Variants in LEKR1 observed in about 807,000 individuals in gnomAD.
The protein encoded by LEKR1 is leucine, glutamate and lysine rich 1.
In LEKR1, 59 loss-of-function variants were observed where a neutral mutation model predicts 72.4. That is an observed-to-expected ratio of 0.82 (90% CI 0.66 to 1.01). The LOEUF (loss-of-function observed/expected upper bound fraction) is 1.01, where lower values mean the gene tolerates loss of function less well. Ranked by LOEUF, LEKR1 falls within the 50% of genes least tolerant of loss-of-function variation. The pLI is 0.00. For synonymous variants in LEKR1, 257 were observed against 263.2 expected, an observed-to-expected ratio of 0.98 and a Z score of 0.23; for missense variants, 728 against 759.2, an observed-to-expected ratio of 0.96 and a Z score of 0.48.
At chr3:156,842,866 T>C (rs1018308567) in intron 2 of LEKR1, among the ~76,000 whole-genome samples, 1 of 152,216 alleles carries the variant, frequency 6.6e-6, no homozygotes, top group Non-Finnish European at 1.5e-5. Flanking sequence ...TGACTGAGCA[T>C]AGTATACTTG....
chr3:157,018,715 G>A (rs896531089), intron 10 of LEKR1, among the ~76,000 whole-genome samples: 1 of 152,120 alleles, frequency 6.6e-6, no homozygotes, highest in African/African-American at 2.4e-5. Flanking sequence ...CTATGATCTT[G>A]GTGAAGTTAC....
At chr3:157,015,599 C>T (rs1242164201) in intron 10 of LEKR1, among the ~76,000 whole-genome samples, 5 of 152,088 alleles carry the variant, frequency 3.3e-5, no homozygotes, top group African/African-American at 1.2e-4. Flanking sequence ...TAGGACAGAG[C>T]TCAAGAATAT....
At chr3:156,912,658 T>G (rs1029314908) in intron 3 of LEKR1, among the ~76,000 whole-genome samples, 1 of 152,200 alleles carries the variant, frequency 6.6e-6, no homozygotes, top group Non-Finnish European at 1.5e-5. Context: ...TATTGTGAAT[T>G]TCAGTTGGTA....
At chr3:156,909,476 C>A (rs62275765) in intron 3 of LEKR1, among the ~76,000 whole-genome samples, 1 of 151,500 alleles carries the variant, frequency 6.6e-6, no homozygotes, top group African/African-American at 2.4e-5. Flanking sequence ...ACGGTGAAAC[C>A]CCATCTCTAC....
chr3:156,981,837 A>G (rs1475168560), intron 7 of LEKR1, among the ~76,000 whole-genome samples: 4 of 152,230 alleles, frequency 2.6e-5, no homozygotes, highest in Non-Finnish European at 2.9e-5. Context: ...TTGTTAGTAA[A>G]CTCAAGATTT....
chr3:156,987,210 T>C (rs1730767152), intron 7 of LEKR1, among the ~76,000 whole-genome samples: 1 of 152,182 alleles, frequency 6.6e-6, no homozygotes, highest in Non-Finnish European at 1.5e-5. Flanking sequence ...TAGACATTCT[T>C]TCTATTCCAT....
Position 157,045,480 on chromosome 3 carries a change from C to T in LEKR1, c.1809C>T (p.Ser603=). The T allele has an allele frequency of 6.2e-7, 1 of 1,614,142 alleles. No individual in the cohort carries two copies. The highest frequency in any genetic ancestry group is 2.2e-5 in the East Asian group (1 of 44,878). The change falls in exon 13 of 13, where the codon AGC becomes AGT. Residue 603 remains serine, a synonymous_variant. Coordinates refer to ENST00000356539, the MANE Select transcript of LEKR1 (RefSeq NM_001004316.3). ...TACCATTCTCACCGTGTTCCCTCAG[C>T]AAGGGCAGCCTAACCTCCCCTGCTG... ...GSLPFSPCSL[S]KGSLTSPAAA...
At chr3:156,869,171 T>A (rs1191581111) in intron 3 of LEKR1, among the ~76,000 whole-genome samples, 3 of 152,136 alleles carry the variant, frequency 2.0e-5, no homozygotes, top group African/African-American at 7.2e-5. Context: ...CAAGTACAAG[T>A]ATCCCTTTGA....
intron 7 of LEKR1, among the ~76,000 whole-genome samples, chr3:156,985,798 G>A (rs1484017757): frequency 5.4e-5 from 8 of 147,650 alleles, no homozygotes; most frequent in South Asian, 2.1e-4. Flanking sequence ...AGGCAAGATC[G>A]CACCACTGCA....
intron 7 of LEKR1, among the ~76,000 whole-genome samples, chr3:156,987,334 T>TTAA (rs1360941839): frequency 6.6e-6 from 1 of 152,050 alleles, no homozygotes; most frequent in Non-Finnish European, 1.5e-5. Context: ...TGAGGGGACT[T>TTAA]CCTAGGATGA....
At chr3:157,000,431 G>A (rs550969125) in intron 9 of LEKR1, among the ~76,000 whole-genome samples, 12 of 152,162 alleles carry the variant, frequency 7.9e-5, no homozygotes, top group Middle Eastern at 3.4e-3. Context: ...AAAAAGAATG[G>A]ACTTTAGAAT....
At chr3:156,994,605 A>G (rs1031852770) in intron 9 of LEKR1, among the ~76,000 whole-genome samples, 1 of 152,210 alleles carries the variant, frequency 6.6e-6, no homozygotes, top group Admixed American at 6.5e-5. Context: ...AGCCAGGCTT[A>G]TTAATAAAAA....
intron 1 of LEKR1, chr3:156,827,219 T>C (rs1711738731): frequency 6.6e-6 from 1 of 152,242 alleles, no homozygotes; most frequent in Non-Finnish European, 1.5e-5. Context: ...ATTTAATATG[T>C]ATGCAAATGT....
At chr3:156,834,892 C>A (rs1712904446) in intron 2 of LEKR1, among the ~76,000 whole-genome samples, 1 of 152,136 alleles carries the variant, frequency 6.6e-6, no homozygotes, top group Non-Finnish European at 1.5e-5. Context: ...ACAAAGATTT[C>A]TAAAGTCATC....
chr3:156,882,802 C>G (rs1392288967), intron 3 of LEKR1, among the ~76,000 whole-genome samples: 1 of 151,994 alleles, frequency 6.6e-6, no homozygotes, highest in Non-Finnish European at 1.5e-5. Context: ...CACATATACA[C>G]CATGGAATAC....
chr3:156,910,099 T>C (rs1722963598), intron 3 of LEKR1, among the ~76,000 whole-genome samples: 1 of 152,142 alleles, frequency 6.6e-6, no homozygotes, highest in South Asian at 2.1e-4. Flanking sequence ...AAAAGAGGAT[T>C]CCTTAAAAAT....
chr3:156,963,563 T>C (rs1425198441), intron 6 of LEKR1, among the ~76,000 whole-genome samples: 3 of 152,148 alleles, frequency 2.0e-5, no homozygotes, highest in Non-Finnish European at 2.9e-5. Context: ...ATCTCTCTAC[T>C]ACTAGCTAAT....
intron 3 of LEKR1, among the ~76,000 whole-genome samples, chr3:156,853,528 G>A (rs1715653874): frequency 6.6e-6 from 1 of 152,008 alleles, no homozygotes; most frequent in African/African-American, 2.4e-5. Context: ...GAGAGTTTTT[G>A]CTGGTGTTTT....
chr3:156,953,909 G>A (rs1039596271), intron 6 of LEKR1, among the ~76,000 whole-genome samples: 7 of 151,972 alleles, frequency 4.6e-5, no homozygotes, highest in South Asian at 2.1e-4. Context: ...GGGTCAAATC[G>A]TATTTTGGCC....
Sources: allele counts gnomAD v4.1 joint callset (sites outside exome capture counted in the v4.1 genomes callset), GRCh38; gene constraint gnomAD v4.1.1; transcripts MANE v1.5; gene names NCBI Gene and HGNC (gene_info 2026-07-23, HGNC 2026-07-21).